Variants in PIK3C2G observed in about 807,000 individuals in gnomAD.
PIK3C2G encodes phosphatidylinositol 3-kinase C2 domain-containing subunit gamma.
A neutral mutation model predicts 181.1 loss-of-function variants in PIK3C2G; 168 were observed. The ratio of observed to expected loss-of-function variants is 0.93; its 90% CI spans 0.82 to 1.05. PIK3C2G has a LOEUF of 1.05. Ranked by LOEUF, PIK3C2G falls within the 50% of genes least tolerant of loss-of-function variation. The pLI is 0.00. For synonymous variants in PIK3C2G, 573 were observed against 592.2 expected (o/e 0.97, Z 0.47); for missense variants, 1,869 against 1,732.8 (o/e 1.08, Z -1.40).
chr12:18,563,017 A>C, intron 27 of PIK3C2G, 125 bp downstream of exon 27: 1 of 685,986 alleles, frequency 1.5e-6, no homozygotes, highest in Non-Finnish European at 2.4e-6. Context: ...AATAATTTAC[A>C]ATTTAAGCAG....
At chr12:18,721,659 G>A in the PIK3C2G span, among the ~76,000 whole-genome samples, 1 of 150,410 alleles carries the variant, frequency 6.6e-6, no homozygotes, top group South Asian at 2.1e-4. Context: ...ATGACATAAA[G>A]AGCTTGAGCC....
At chr12:18,447,779 T>C (rs1009597939) in intron 18 of PIK3C2G, among the ~76,000 whole-genome samples, 3 of 152,164 alleles carry the variant, frequency 2.0e-5, no homozygotes, top group African/African-American at 7.2e-5. Context: ...TTTAAAAGTA[T>C]AAAGGTGCAA....
chr12:18,468,608 A>T (rs1938144227), intron 18 of PIK3C2G, among the ~76,000 whole-genome samples: 1 of 152,104 alleles, frequency 6.6e-6, no homozygotes, highest in Admixed American at 6.6e-5. Context: ...GGGAATAACT[A>T]GTTACTGTGA....
chr12:18,362,443 A>G (rs1467746013), intron 11 of PIK3C2G, among the ~76,000 whole-genome samples: 1 of 152,094 alleles, frequency 6.6e-6, no homozygotes, highest in Non-Finnish European at 1.5e-5. Flanking sequence ...GAGTGCCACA[A>G]ATTTTTCTAC....
the PIK3C2G span, among the ~76,000 whole-genome samples, chr12:18,698,931 T>TA: frequency 2.6e-5 from 4 of 152,162 alleles, no homozygotes; most frequent in South Asian, 2.1e-4. Context: ...CCCCTGCTAC[T>TA]AAAAAAAACT....
chr12:18,527,456 G>GT (rs1028276684), intron 24 of PIK3C2G, among the ~76,000 whole-genome samples: 1 of 152,116 alleles, frequency 6.6e-6, no homozygotes, highest in Non-Finnish European at 1.5e-5. Context: ...TTATTTAAAT[G>GT]TTTTTACAGC....
At chr12:18,712,380 C>A in the PIK3C2G span, among the ~76,000 whole-genome samples, 4 of 152,076 alleles carry the variant, frequency 2.6e-5, no homozygotes, top group African/African-American at 4.8e-5. Flanking sequence ...ATTTTTGAAT[C>A]CAAAGTAAAC....
the PIK3C2G span, among the ~76,000 whole-genome samples, chr12:18,661,003 G>A: frequency 1.3e-5 from 2 of 152,094 alleles, no homozygotes; most frequent in Admixed American, 6.6e-5. Context: ...GAACTGGAAA[G>A]TACAACTGAA....
intron 29 of PIK3C2G, among the ~76,000 whole-genome samples, chr12:18,569,400 G>A (rs577834626): frequency 6.6e-6 from 1 of 152,188 alleles, no homozygotes; most frequent in Non-Finnish European, 1.5e-5. Flanking sequence ...CCTGAACTAA[G>A]AGATAATAAT....
At chr12:18,305,293 G>A (rs1057196557) in intron 5 of PIK3C2G, among the ~76,000 whole-genome samples, 8 of 152,142 alleles carry the variant, frequency 5.3e-5, no homozygotes, top group African/African-American at 1.9e-4. Flanking sequence ...TGTTTATTAT[G>A]ATTAAAAGCT....
chr12:18,612,299 T>C (rs1948381755), intron 31 of PIK3C2G, among the ~76,000 whole-genome samples: 1 of 152,126 alleles, frequency 6.6e-6, no homozygotes. Context: ...TCTCACCTTT[T>C]CAGTAAAGTC....
chr12:18,447,098 T>C (rs1290615747), intron 18 of PIK3C2G, among the ~76,000 whole-genome samples: 2 of 152,172 alleles, frequency 1.3e-5, no homozygotes, highest in Non-Finnish European at 2.9e-5. Flanking sequence ...CTAAATATTG[T>C]AATAACTTCC....
chr12:18,536,260 G>A (rs1343881095), intron 24 of PIK3C2G, among the ~76,000 whole-genome samples: 2 of 152,016 alleles, frequency 1.3e-5, no homozygotes, highest in Non-Finnish European at 2.9e-5. Flanking sequence ...TGATAACAAG[G>A]TTCAGCTATG....
intron 22 of PIK3C2G, among the ~76,000 whole-genome samples, chr12:18,500,157 G>T (rs1015163496): frequency 2.0e-5 from 3 of 152,196 alleles, no homozygotes; most frequent in African/African-American, 7.2e-5. Context: ...GGAGAGGCGC[G>T]GCCGGGAACC....
At chr12:18,343,230 C>T (rs1425380457) in intron 9 of PIK3C2G, 97 bp from the exon 10 acceptor site, 27 of 674,320 alleles carry the variant, frequency 4.0e-5, no homozygotes, top group Non-Finnish European at 6.2e-5. Flanking sequence ...TTTACCATGA[C>T]AAAGAAATTA....
In PIK3C2G at chr12:18,325,106, C is replaced by A; in HGVS notation, c.1272+8C>A. 2 of 1,477,568 alleles carry A rather than the reference C, an allele frequency of 1.4e-6. No homozygotes were observed. Among genetic ancestry groups the A allele is most frequent in the Non-Finnish European group, 1.9e-6 (2 of 1,065,784 alleles). The allele number at this position is 1,477,568 out of a possible 1,614,324, so 91.5% of individuals were successfully genotyped here. A position where few individuals can be genotyped will look rare whatever the true frequency, so the allele number is the denominator to read the frequency against. On this transcript the variant is annotated splice_region_variant and intron_variant, in intron 8 of 32. Transcript: ENST00000538779. Reference sequence around the variant, plus strand: ...TACCTATTGAAAACCCAGGTATTGACTTTTGTTACTTTATCCATCAATTCA... The same window carrying A: ...TACCTATTGAAAACCCAGGTATTGAATTTTGTTACTTTATCCATCAATTCA...
chr12:18,632,356 T>G (rs115661789), intron 31 of PIK3C2G, among the ~76,000 whole-genome samples: 1,586 of 152,290 alleles, frequency 0.01, 30 homozygotes, highest in African/African-American at 0.037. Flanking sequence ...AATCCCATGA[T>G]AGGCATTATT....
chr12:18,641,743 C>CTTTTTTTTTTTTTTTTTTTTTTT (rs11285609), intron 32 of PIK3C2G, among the ~76,000 whole-genome samples: 4 of 93,178 alleles, frequency 4.3e-5, no homozygotes, highest in African/African-American at 1.5e-4. Context: ...CTCTCTCAAG[C>CTTTTTTTTTTTTTTTTTTTTTTT]TTTTTTTTTT....
chr12:18,692,734 T>C, the PIK3C2G span: 7 of 918,278 alleles, frequency 7.6e-6, no homozygotes. Context: ...AAAGAAAAAA[T>C]GTTAAAAGCT....
Sources: allele counts gnomAD v4.1 joint callset (sites outside exome capture counted in the v4.1 genomes callset), GRCh38; gene constraint gnomAD v4.1.1; transcripts MANE v1.5; gene names NCBI Gene and HGNC (gene_info 2026-07-23, HGNC 2026-07-21).